NTRK2: variants seen among roughly 807,000 people sequenced by gnomAD.
NTRK2 encodes neurotrophic receptor tyrosine kinase 2, also known as BDNF/NT-3 growth factors receptor.
In NTRK2, 13 loss-of-function variants were observed where a neutral mutation model predicts 94.5. The observed-to-expected ratio is 0.14, with a 90% CI of 0.09 to 0.22. The LOEUF (loss-of-function observed/expected upper bound fraction) is 0.22. Ranked by LOEUF, NTRK2 falls within the 10% of genes least tolerant of loss-of-function variation. The pLI, the probability that NTRK2 is intolerant of heterozygous loss-of-function variation, is 1.00. For synonymous variants in NTRK2, 372 were observed against 407.4 expected (o/e 0.91, Z 1.05); for missense variants, 639 against 1,071.2 (o/e 0.60, Z 5.63).
chr9:84,965,798 A>C (rs1363827799), intron 17 of NTRK2, among the ~76,000 whole-genome samples: 5 of 152,154 alleles, frequency 3.3e-5, no homozygotes, highest in Non-Finnish European at 5.9e-5. Context: ...TCAGGATGAA[A>C]ATTACTCCTG....
chr9:84,844,695 G>A (rs1440173874), intron 12 of NTRK2, among the ~76,000 whole-genome samples: 2 of 123,478 alleles, frequency 1.6e-5, no homozygotes, highest in African/African-American at 3.4e-5. Flanking sequence ...ACACACACAC[G>A]GCTATCACTA....
intron 16 of NTRK2, among the ~76,000 whole-genome samples, chr9:84,953,505 A>G (rs1162152839): frequency 6.6e-6 from 1 of 152,220 alleles, no homozygotes; most frequent in Non-Finnish European, 1.5e-5. Flanking sequence ...TTCATTTCAC[A>G]TATCCCGGAG....
intron 2 of NTRK2, among the ~76,000 whole-genome samples, chr9:84,695,381 T>C (rs1047235350): frequency 3.9e-5 from 6 of 152,222 alleles, no homozygotes; most frequent in African/African-American, 1.4e-4. Flanking sequence ...TGATAGGTTG[T>C]TAAAGCAAAT....
rs903135491 is a variant in NTRK2, at chr9:85,026,052, A to G, written c.*4615A>G. 2 of 227,804 alleles carry G rather than the reference A, an allele frequency of 8.8e-6. No individual in the cohort carries two copies. Among genetic ancestry groups the G allele is most frequent in the African/African-American group, 4.5e-5 (2 of 44,842 alleles). 14.1% of individuals were successfully genotyped at this position (227,804 alleles called of 1,614,324 possible). On this transcript the variant is annotated 3_prime_UTR_variant, in exon 19 of 19. Coordinates refer to ENST00000277120, the MANE Select transcript of NTRK2 (RefSeq NM_006180.6). Reference sequence around the variant, plus strand: ...TTGCATTTCCCCTCCTTTTCCTTTGACCTTTATTTATTTAATTATGTATTT... The same window carrying G: ...TTGCATTTCCCCTCCTTTTCCTTTGGCCTTTATTTATTTAATTATGTATTT...
intron 17 of NTRK2, among the ~76,000 whole-genome samples, chr9:84,999,336 G>T (rs1830095886): frequency 6.6e-6 from 1 of 152,074 alleles, no homozygotes. Context: ...CTCTCTTTTT[G>T]TATTGTCTGT....
At chr9:84,721,493 T>A (rs1197398472) in intron 6 of NTRK2, among the ~76,000 whole-genome samples, 1 of 152,174 alleles carries the variant, frequency 6.6e-6, no homozygotes, top group Non-Finnish European at 1.5e-5. Context: ...CATAATAATC[T>A]TTATGTCTCC....
intron 12 of NTRK2, among the ~76,000 whole-genome samples, chr9:84,835,927 G>A (rs569139411): frequency 1.3e-5 from 2 of 152,180 alleles, no homozygotes; most frequent in South Asian, 4.1e-4. Context: ...AACAGCTCCA[G>A]AAACATAAGG....
intron 17 of NTRK2, among the ~76,000 whole-genome samples, chr9:84,984,929 T>C (rs951805211): frequency 2.0e-5 from 3 of 152,232 alleles, no homozygotes; most frequent in Admixed American, 6.5e-5. Flanking sequence ...CTTTAAGCAG[T>C]ATTAACATAT....
At chr9:84,899,291 A>C (rs2076854812) in intron 14 of NTRK2, among the ~76,000 whole-genome samples, 1 of 152,244 alleles carries the variant, frequency 6.6e-6, no homozygotes, top group Admixed American at 6.5e-5. Flanking sequence ...TCTAATTAGA[A>C]AACAACACCC....
intron 14 of NTRK2, among the ~76,000 whole-genome samples, chr9:84,929,753 G>C (rs754213711): frequency 6.6e-6 from 1 of 152,064 alleles, no homozygotes; most frequent in African/African-American, 2.4e-5. Context: ...ATAGAGACAG[G>C]GTTTCACCAC....
chr9:84,759,827 C>T (rs1437491702), intron 12 of NTRK2, among the ~76,000 whole-genome samples: 1 of 152,054 alleles, frequency 6.6e-6, no homozygotes, highest in East Asian at 1.9e-4. Flanking sequence ...ATTTTTTCCT[C>T]TCTTGTTTTT....
rs918005051 is a variant in NTRK2, at chr9:85,024,330, G to A, written c.*2893G>A. 8 of 232,766 alleles carry A rather than the reference G, an allele frequency of 3.4e-5. No homozygotes were observed. Among genetic ancestry groups the A allele is most frequent in the Non-Finnish European group, 6.8e-5 (8 of 117,884 alleles). The allele number at this position is 232,766 out of a possible 1,614,324, so 14.4% of individuals were successfully genotyped here. On this transcript the variant is annotated 3_prime_UTR_variant, in exon 19 of 19. Transcript: ENST00000277120. ...CTAAAATGTAATGATCACCAAATACGGCCTTCCATCAAATTTGTGAAAACT... is the reference window on the plus strand; with the variant it reads ...CTAAAATGTAATGATCACCAAATACAGCCTTCCATCAAATTTGTGAAAACT...
intron 12 of NTRK2, among the ~76,000 whole-genome samples, chr9:84,799,514 A>G (rs183338025): frequency 4.6e-5 from 7 of 152,232 alleles, no homozygotes; most frequent in Admixed American, 4.6e-4. Context: ...GGAAATTATT[A>G]CTTTAGATAA....
intron 14 of NTRK2, among the ~76,000 whole-genome samples, chr9:84,893,868 T>G (rs1411496466): frequency 6.6e-6 from 1 of 152,174 alleles, no homozygotes; most frequent in South Asian, 2.1e-4. Flanking sequence ...TTTCCACACC[T>G]ACAGAGTTCT....
intron 12 of NTRK2, among the ~76,000 whole-genome samples, chr9:84,843,245 G>A (rs1189549629): frequency 3.9e-5 from 6 of 152,136 alleles, no homozygotes; most frequent in Non-Finnish European, 7.3e-5. Flanking sequence ...CAGTAGATGA[G>A]TAGTTATTAT....
intron 17 of NTRK2, among the ~76,000 whole-genome samples, chr9:85,017,138 G>A (rs1012671964): frequency 2.0e-5 from 3 of 152,178 alleles, no homozygotes; most frequent in Non-Finnish European, 4.4e-5. Context: ...TCAGGAGAGT[G>A]ACATATGATG....
At chr9:84,915,904 T>C (rs1224408247) in intron 14 of NTRK2, among the ~76,000 whole-genome samples, 1 of 152,102 alleles carries the variant, frequency 6.6e-6, no homozygotes. Flanking sequence ...ACTAGAGAAG[T>C]GTCCTGCTCA....
intron 2 of NTRK2, among the ~76,000 whole-genome samples, chr9:84,684,274 A>G (rs976869030): frequency 6.6e-6 from 1 of 152,154 alleles, no homozygotes; most frequent in African/African-American, 2.4e-5. Context: ...TTGCCCATGC[A>G]TATACCTGAA....
rs1251771059 is a variant in NTRK2, at chr9:84,706,514, A to AT, written c.360-1324dup. On this transcript the variant is annotated intron_variant, in intron 4 of 18. Coordinates refer to ENST00000277120, the MANE Select transcript of NTRK2 (RefSeq NM_006180.6). ...GTCACCCTCAGATCTCATGTGTGTT[A>AT]TTTTTTGTTTTTGTTTTTTTTTTTT... Among the ~76,000 whole-genome samples, 19 of 68,542 alleles carry AT rather than the reference A, an allele frequency of 2.8e-4. 1 individual carries two copies. Among genetic ancestry groups the AT allele is most frequent in the African/African-American group, 8.2e-4 (15 of 18,388 alleles). The allele number at this position is 68,542 out of a possible 152,430, so 45.0% of individuals were successfully genotyped here.
Sources: gnomAD v4.1 joint callset for allele counts (sites outside exome capture counted in the v4.1 genomes callset) on GRCh38, gnomAD v4.1.1 for gene constraint, MANE v1.5 for transcripts, NCBI Gene and HGNC (gene_info 2026-07-23, HGNC 2026-07-21) for gene names.